The following DYNLT5 variants were observed in gnomAD, a reference collection of about 807,000 sequenced individuals.
The protein encoded by DYNLT5 is dynein light chain Tctex-type 5.
DYNLT5 carries 25 observed loss-of-function variants against 19.3 expected under a neutral mutation model. That is an observed-to-expected ratio of 1.30 (90% confidence interval 0.95 to 1.81). The LOEUF is 1.81. DYNLT5 is among the 40% of genes most tolerant of loss of function. The pLI is 0.00. For synonymous variants in DYNLT5, 82 were observed against 68.9 expected (o/e 1.19, Z -0.94); for missense variants, 232 against 217.9 (o/e 1.06, Z -0.41).
rs183113061 is a variant in DYNLT5 at position 66,754,846 on chromosome 1, A to G, written c.119+69A>G. 4.9e-5 allele frequency: 72 copies of G among 1,479,608 alleles called. No individual in the cohort carries two copies. The East Asian group carries it at 1.7e-3, about 35-fold the overall frequency. 91.7% of individuals were successfully genotyped at this position (1,479,608 alleles called of 1,614,324 possible). On this transcript the variant is annotated intron_variant, in intron 2 of 4. Transcript: ENST00000282670. ...AGGTTCGTAATGTTTATTAGGAGAA[A>G]AAAACACTTCCTCGGGGACATAAAA... is the stretch of plus-strand genomic sequence containing the variant.
intron 1 of DYNLT5, among the ~76,000 whole-genome samples, chr1:66,753,329 C>T (rs186427129): frequency 2.0e-5 from 3 of 152,284 alleles, no homozygotes; most frequent in African/African-American, 4.8e-5. Context: ...ATTTCCTTAT[C>T]GGGGCTCTCA....
chr1:66,765,249 T>C lies in DYNLT5; in HGVS notation c.120-5138T>C, dbSNP rs376114903. Among the ~76,000 whole-genome samples the C allele has an allele frequency of 4.6e-5, 7 of 152,330 alleles. No individual in the cohort carries two copies. The East Asian group carries it at 1.2e-3, about 25-fold the overall frequency. On this transcript the variant is annotated intron_variant, in intron 2 of 4. Transcript: ENST00000282670. Reference sequence around the variant, plus strand: ...CGAAGAAGACACACTTAAATGATACTATATTTATAAACATGGTGGTTCCAG... The same window carrying C: ...CGAAGAAGACACACTTAAATGATACCATATTTATAAACATGGTGGTTCCAG...
intron 3 of DYNLT5, among the ~76,000 whole-genome samples, chr1:66,772,509 A>T (rs1412918816): frequency 3.9e-5 from 6 of 152,258 alleles, no homozygotes; most frequent in Non-Finnish European, 7.3e-5. Flanking sequence ...TCACATTTCA[A>T]TATGAGATTT....
intron 3 of DYNLT5, among the ~76,000 whole-genome samples, chr1:66,771,983 A>AT (rs1645206811): frequency 6.6e-6 from 1 of 152,192 alleles, no homozygotes; most frequent in Non-Finnish European, 1.5e-5. Context: ...GTCTATGTGA[A>AT]TTTTTTAATA....
intron 3 of DYNLT5, among the ~76,000 whole-genome samples, chr1:66,774,767 T>C (rs967507266): frequency 1.8e-5 from 2 of 113,622 alleles, no homozygotes; most frequent in African/African-American, 6.5e-5. Flanking sequence ...AATCTTGGGG[T>C]GGGAGGGGTG....
chr1:66,772,662 A>G (rs970888417), intron 3 of DYNLT5, among the ~76,000 whole-genome samples: 14 of 152,344 alleles, frequency 9.2e-5, no homozygotes, highest in Admixed American at 9.2e-4. Context: ...TTTTCATTCC[A>G]TTCAATAATG....
rs1645183557 is a variant in DYNLT5, at chr1:66,768,630, G to T, written c.120-1757G>T. On this transcript the variant is annotated intron_variant, in intron 2 of 4. Coordinates refer to ENST00000282670, the MANE Select transcript of DYNLT5 (RefSeq NM_152665.3). ...AGACAGTTTATAAAAATCCTTATTT[G>T]CTTTTTTGTCTTGGAATTTTCACTC... is the stretch of plus-strand genomic sequence containing the variant. 2.6e-5 allele frequency: 4 copies of T among 152,176 alleles called. No individual in the cohort carries two copies. In the South Asian group the frequency reaches 6.2e-4, roughly 24 times the overall value. The allele number at this position is 152,176 out of a possible 1,614,324, so 9.4% of individuals were successfully genotyped here. A position where few individuals can be genotyped will look rare whatever the true frequency, so the allele number is the denominator to read the frequency against.
chr1:66,754,330 T>C (rs755338022), intron 1 of DYNLT5, among the ~76,000 whole-genome samples: 11 of 152,258 alleles, frequency 7.2e-5, no homozygotes, highest in African/African-American at 9.6e-5. Context: ...TGGTTTCTGA[T>C]GTAGGATAGC....
At chr1:66,754,008 G>A (rs2094631736) in intron 1 of DYNLT5, among the ~76,000 whole-genome samples, 1 of 151,840 alleles carries the variant, frequency 6.6e-6, no homozygotes, top group Admixed American at 6.6e-5. Context: ...AGCACTTTGG[G>A]AGGCTGAAGC....
intron 1 of DYNLT5, among the ~76,000 whole-genome samples, chr1:66,753,193 A>C (rs1366386761): frequency 2.0e-5 from 3 of 152,008 alleles, no homozygotes; most frequent in African/African-American, 7.3e-5. Context: ...CACACACAGC[A>C]CCTCTGCTCT....
rs753179859 is a variant in DYNLT5 at position 66,770,484 on chromosome 1, TTCTTTTA to T, written c.211+10_211+16del. 6.3e-7 allele frequency: 1 copy of T among 1,599,518 alleles called. No individual in the cohort carries two copies. Among genetic ancestry groups the T allele is most frequent in the Non-Finnish European group, 8.6e-7 (1 of 1,167,076 alleles). ...GGAAAACACCTATCAGTTGGGTGTG[TTCTTTTA>T]TCTCTCACTCCTATTTTAAACTTCT... On this transcript the variant is annotated splice_region_variant and intron_variant, in intron 3 of 4. Coordinates refer to ENST00000282670, the MANE Select transcript of DYNLT5 (RefSeq NM_152665.3).
intron 2 of DYNLT5, among the ~76,000 whole-genome samples, chr1:66,767,371 G>T (rs1303225195): frequency 6.6e-6 from 1 of 152,100 alleles, no homozygotes; most frequent in African/African-American, 2.4e-5. Flanking sequence ...TTGTGCCTCA[G>T]CCTCCCAAGT....
At chr1:66,765,136 T>A (rs1434435129) in intron 2 of DYNLT5, among the ~76,000 whole-genome samples, 1 of 152,180 alleles carries the variant, frequency 6.6e-6, no homozygotes, top group African/African-American at 2.4e-5. Context: ...TACAAATTTA[T>A]ACCCTGAAGA....
chr1:66,761,586 C>A (rs951542206), intron 2 of DYNLT5, among the ~76,000 whole-genome samples: 1 of 152,078 alleles, frequency 6.6e-6, no homozygotes, highest in African/African-American at 2.4e-5. Flanking sequence ...GGTTCAAGAC[C>A]AGCCTGGACA....
chr1:66,777,129 C>T (rs766624704), intron 4 of DYNLT5, 122 bp from the exon 5 acceptor site: 3 of 821,938 alleles, frequency 3.6e-6, no homozygotes, highest in South Asian at 4.3e-5. Flanking sequence ...CTAAAACAAT[C>T]ACTGAAAGTA....
intron 2 of DYNLT5, among the ~76,000 whole-genome samples, chr1:66,758,384 T>C (rs2094640192): frequency 6.6e-6 from 1 of 151,884 alleles, no homozygotes; most frequent in South Asian, 2.1e-4. Flanking sequence ...CACAGGATCA[T>C]GTGACATGAT....
At chr1:66,761,760 A>G (rs1382076769) in intron 2 of DYNLT5, among the ~76,000 whole-genome samples, 1 of 152,224 alleles carries the variant, frequency 6.6e-6, no homozygotes, top group Non-Finnish European at 1.5e-5. Flanking sequence ...CCTGGGCAAC[A>G]GAGAGAGACA....
chr1:66,770,167 C>T (rs1282594746), intron 2 of DYNLT5, among the ~76,000 whole-genome samples: 2 of 152,184 alleles, frequency 1.3e-5, no homozygotes, highest in Non-Finnish European at 2.9e-5. Flanking sequence ...GGGCTTCAGC[C>T]ATCACATTGA....
chr1:66,755,406 A>G (rs191737447), intron 2 of DYNLT5, among the ~76,000 whole-genome samples: 21 of 152,326 alleles, frequency 1.4e-4, no homozygotes, highest in African/African-American at 5.1e-4. Flanking sequence ...CTAAAGATAT[A>G]CATCAATTTT....
Sources: gnomAD v4.1 joint callset for allele counts (sites outside exome capture counted in the v4.1 genomes callset) on GRCh38, gnomAD v4.1.1 for gene constraint, MANE v1.5 for transcripts, NCBI Gene and HGNC (gene_info 2026-07-23, HGNC 2026-07-21) for gene names.